Variants in GSE1 observed in about 807,000 individuals in gnomAD.
The protein encoded by GSE1 is Gse1 coiled-coil protein.
GSE1 carries 32 observed loss-of-function variants against 112.6 expected under a neutral mutation model. That is an observed-to-expected ratio of 0.28 (90% CI 0.21 to 0.38). GSE1 has a LOEUF of 0.38. GSE1 is among the 10% of genes least tolerant of loss of function. The probability of loss-of-function intolerance (pLI) is 1.00; values close to 1 mark genes in which losing one functional copy is unlikely to be tolerated. For synonymous variants in GSE1, 1,115 were observed against 735.6 expected (o/e 1.52, Z -8.35); for missense variants, 2,348 against 1,699.2 (o/e 1.38, Z -6.71).
chr16:85,552,704 G>C (rs2044986272), upstream of GSE1, among the ~76,000 whole-genome samples: 1 of 152,328 alleles, frequency 6.6e-6, no homozygotes, highest in East Asian at 1.9e-4. Context: ...CCAGACTAAA[G>C]GCCCCTTTCC....
chr16:85,527,538 T>G (rs566574738), intron 2 of GSE1, among the ~76,000 whole-genome samples: 169 of 152,256 alleles, frequency 1.1e-3, no homozygotes, highest in Non-Finnish European at 2.2e-3. Context: ...AGTTGCTCTG[T>G]GCTGGGGAGG....
At chr16:85,307,613 C>G (rs112238963) in intron 1 of GSE1, among the ~76,000 whole-genome samples, 2 of 151,902 alleles carry the variant, frequency 1.3e-5, no homozygotes, top group Admixed American at 6.5e-5. Flanking sequence ...TGATGGCACA[C>G]AGCATTGCCA....
At chr16:85,272,225 A>T (rs1908911533) in intron 1 of GSE1, among the ~76,000 whole-genome samples, 1 of 152,214 alleles carries the variant, frequency 6.6e-6, no homozygotes, top group African/African-American at 2.4e-5. Flanking sequence ...CCTAGCGTGG[A>T]GCGGATAGGG....
chr16:85,353,980 C>T (rs2151565195), intron 1 of GSE1, among the ~76,000 whole-genome samples: 1 of 152,348 alleles, frequency 6.6e-6, no homozygotes. Context: ...GTGTGCGTTC[C>T]TGCCTCTGGC....
chr16:85,347,745 A>C (rs2046772584), intron 1 of GSE1, among the ~76,000 whole-genome samples: 1 of 152,120 alleles, frequency 6.6e-6, no homozygotes, highest in South Asian at 2.1e-4. Flanking sequence ...CCTGGCCCTC[A>C]GTAGATGCTG....
chr16:85,507,134 T>C (rs1226255118), intron 2 of GSE1, among the ~76,000 whole-genome samples: 9 of 152,170 alleles, frequency 5.9e-5, no homozygotes, highest in Admixed American at 5.9e-4. Context: ...GCGGGCGTCG[T>C]CGACGCTCGC....
chr16:85,422,167 C>G (rs1269601181), intron 2 of GSE1, among the ~76,000 whole-genome samples: 1 of 152,206 alleles, frequency 6.6e-6, no homozygotes, highest in Non-Finnish European at 1.5e-5. Flanking sequence ...CGGCCCCCTC[C>G]TCCCCTGGTC....
chr16:85,459,785 G>A (rs1405048019), intron 2 of GSE1, among the ~76,000 whole-genome samples: 1 of 152,230 alleles, frequency 6.6e-6, no homozygotes, highest in East Asian at 1.9e-4. Context: ...CTTCCCAGAG[G>A]CTTTCTCTCT....
rs541372846 is a variant in GSE1 at position 85,326,986 on chromosome 16, G to C, written c.2284-30477G>C. 4.6e-5 allele frequency among the ~76,000 whole-genome samples: 7 copies of C among 152,336 alleles called. No individual in the cohort carries two copies. The East Asian group carries it at 1.4e-3, about 29-fold the overall frequency. On this transcript the variant is annotated intron_variant, in intron 1 of 2. Transcript: ENST00000637419. ...GCATAAGGCTCGGCAGGGAGGGCTG[G>C]TCCTGCCCCACAGGGCACCAGGGGA...
Position 85,672,446 on chromosome 16 carries a change from G to T in GSE1, c.3561G>T (p.Glu1187Asp). Residue 1187 changes from glutamate (E) to aspartate (D), a missense_variant, in exon 16 of 16, where the codon GAG becomes GAT. Physicochemically the swap from Glu to Asp is conservative, Grantham distance 45. Transcript: ENST00000253458. ...AACAGAAGATGGTCTCAGAAAGGGA[G>T]CGGCTCCAGGCAGAACTGGACCACT... ...SQKQKMVSER[E>D]RLQAELDHLR... 6.2e-7 allele frequency: 1 copy of T among 1,610,564 alleles called. No individual in the cohort carries two copies. Among genetic ancestry groups the T allele is most frequent in the South Asian group, 1.1e-5 (1 of 90,810 alleles).
chr16:85,184,331 C>T (rs1386583278), intron 1 of GSE1, among the ~76,000 whole-genome samples: 3 of 152,250 alleles, frequency 2.0e-5, no homozygotes, highest in Admixed American at 6.5e-5. Context: ...CCCCCTTCCC[C>T]TGCATGCCTG....
At chr16:85,216,964 G>A (rs74031733) in intron 1 of GSE1, among the ~76,000 whole-genome samples, 20,896 of 152,282 alleles carry the variant, frequency 0.14, 1,526 homozygotes, top group Middle Eastern at 0.17. Flanking sequence ...TATGGAAAGC[G>A]GCAAGCCCCT....
intron 2 of GSE1, among the ~76,000 whole-genome samples, chr16:85,482,883 C>T (rs1439286553): frequency 6.6e-6 from 1 of 151,454 alleles, no homozygotes; most frequent in Admixed American, 6.6e-5. Context: ...GAGGCTGAGG[C>T]AGGAGAATCG....
intron 1 of GSE1, among the ~76,000 whole-genome samples, chr16:85,318,382 G>A (rs577042981): frequency 2.1e-4 from 32 of 152,156 alleles, no homozygotes; most frequent in African/African-American, 7.2e-4. Flanking sequence ...TCCTGTCTTC[G>A]CCTCCCAAGT....
chr16:85,464,125 C>T (rs981606493), intron 2 of GSE1, among the ~76,000 whole-genome samples: 7 of 152,188 alleles, frequency 4.6e-5, no homozygotes, highest in African/African-American at 1.2e-4. Context: ...CTCGCCTGCC[C>T]GCCCACCCCT....
chr16:85,182,325 A>G (rs939265001), intron 1 of GSE1, among the ~76,000 whole-genome samples: 1 of 152,202 alleles, frequency 6.6e-6, no homozygotes. Flanking sequence ...CTGTTGTCCA[A>G]GAAACCAGGC....
chr16:85,670,081 TACA>T lies in GSE1; in HGVS notation c.3416-912_3416-910del, dbSNP rs377758363. Among the ~76,000 whole-genome samples the T allele has an allele frequency of 3.8e-3, 585 of 152,374 alleles. 5 individuals carry two copies. Among genetic ancestry groups the T allele is most frequent in the African/African-American group, 0.013 (553 of 41,582 alleles). On this transcript the variant is annotated intron_variant, in intron 14 of 15. Transcript: ENST00000253458. ...TTGGCATCCTTTTCCATGAATATGG[TACA>T]AAACTATTACATCATTTTTGGACGT...
intron 2 of GSE1, among the ~76,000 whole-genome samples, chr16:85,379,141 G>C (rs1378329445): frequency 6.6e-6 from 1 of 152,116 alleles, no homozygotes; most frequent in Non-Finnish European, 1.5e-5. Context: ...GGACTTCCGG[G>C]GCCCGGCCTA....
chr16:85,452,628 C>T (rs1424931928), intron 2 of GSE1, among the ~76,000 whole-genome samples: 1 of 152,256 alleles, frequency 6.6e-6, no homozygotes, highest in Non-Finnish European at 1.5e-5. Context: ...CCCCAGTGGG[C>T]CCAGGCTGTT....
Sources: gnomAD v4.1 joint callset for allele counts (sites outside exome capture counted in the v4.1 genomes callset) on GRCh38, gnomAD v4.1.1 for gene constraint, MANE v1.5 for transcripts, NCBI Gene and HGNC (gene_info 2026-07-23, HGNC 2026-07-21) for gene names.